Variants in POTEI observed in about 807,000 individuals in gnomAD.
POTEI encodes POTE ankyrin domain family member I.
POTEI carries 14 observed loss-of-function variants against 43.4 expected under a neutral mutation model. The ratio of observed to expected loss-of-function variants is 0.32; its 90% confidence interval spans 0.21 to 0.50. The LOEUF (loss-of-function observed/expected upper bound fraction) is 0.50. Among genes scored for constraint, POTEI ranks in the 20% least tolerant of loss-of-function variants. The pLI, the probability that POTEI is intolerant of heterozygous loss-of-function variation, is 0.98. For synonymous variants in POTEI, 95 were observed against 297.9 expected (o/e 0.32, Z 7.01); for missense variants, 235 against 795.4 (o/e 0.30, Z 8.47).
At chr2:130,493,023 T>A (rs1683805491) in intron 6 of POTEI, among the ~76,000 whole-genome samples, 1 of 142,966 alleles carries the variant, frequency 7.0e-6, no homozygotes, top group Non-Finnish European at 1.5e-5. Context: ...ATATATTGCT[T>A]TGTTTAAAGG....
chr2:130,496,091 G>A (rs1683895504), intron 6 of POTEI, among the ~76,000 whole-genome samples: 1 of 38,204 alleles, frequency 2.6e-5, no homozygotes, highest in African/African-American at 7.6e-5. Context: ...GGCAAGCCAG[G>A]GAAGCTTCAT....
At chr2:130,470,574 C>T (rs1444613734) in intron 13 of POTEI, among the ~76,000 whole-genome samples, 3 of 7,780 alleles carry the variant, frequency 3.9e-4, no homozygotes, top group Admixed American at 2.2e-3. Context: ...CCCTCAATTA[C>T]GTTAGAGAGC....
intron 4 of POTEI, among the ~76,000 whole-genome samples, chr2:130,500,155 T>C (rs1450649500): frequency 2.7e-5 from 1 of 36,842 alleles, no homozygotes; most frequent in African/African-American, 8.9e-5. Context: ...TAATACAGTA[T>C]ATTTAGTGGA....
At position 130,508,974 on chromosome 2, in the gene POTEI, C is replaced by T. The variant is rs773409226; in HGVS notation, c.262G>A (p.Asp88Asn). ...SNVGTSGDHD[D>N]SAMKTLRSKM... is the part of the protein sequence containing the mutation. The stretch of plus-strand genomic sequence containing the variant: ...CTCCTGAGCGTCTTCATAGCGGAGT[C>T]GTCGTGGTCTCCAGAAGTGCCCACG... Residue 88 changes from aspartate (D) to asparagine (N), a missense_variant, in exon 1 of 15, where the codon GAC becomes AAC. Asp to Asn is a conservative substitution (Grantham distance 23). Coordinates refer to ENST00000451531, the MANE Select transcript of POTEI (RefSeq NM_001277406.2). 9 of 1,596,960 alleles carry T rather than the reference C, an allele frequency of 5.6e-6. No individual in the cohort carries two copies. The highest frequency in any genetic ancestry group is 5.5e-5 in the African/African-American group (4 of 72,430).
intron 14 of POTEI, among the ~76,000 whole-genome samples, chr2:130,464,481 A>C (rs1343905891): frequency 8.0e-6 from 1 of 125,648 alleles, no homozygotes; most frequent in Non-Finnish European, 1.7e-5. Context: ...GTTACAAAAA[A>C]CCCAGAGGCA....
rs919731536 is a variant in POTEI at position 130,461,194 on chromosome 2, G to A, written c.*1622C>T. On this transcript the variant is annotated 3_prime_UTR_variant, in exon 15 of 15. Transcript: ENST00000451531. ...GACTTGCTTCAAAAAGAAAAGTCTG[G>A]CCACGTTTTTATAGAGCAGCTGTGC... 6.6e-6 allele frequency: 1 copy of A among 151,566 alleles called. No individual in the cohort carries two copies. Among genetic ancestry groups the A allele is most frequent in the Non-Finnish European group, 1.5e-5 (1 of 68,022 alleles). 9.4% of individuals were successfully genotyped at this position (151,566 alleles called of 1,614,324 possible).
intron 10 of POTEI, among the ~76,000 whole-genome samples, chr2:130,477,112 G>A (rs559806944): frequency 1.1e-4 from 17 of 148,798 alleles, no homozygotes; most frequent in Admixed American, 1.3e-4. Flanking sequence ...TATCTAAAAT[G>A]TTTCCCTCCA....
In POTEI at chr2:130,508,767, G is replaced by T. The variant is rs1459775752; in HGVS notation, c.469C>A (p.Leu157Met). 1.4e-6 allele frequency: 2 copies of T among 1,400,634 alleles called. No individual in the cohort carries two copies. Among genetic ancestry groups the T allele is most frequent in the South Asian group, 1.3e-5 (1 of 79,956 alleles). The allele number at this position is 1,400,634 out of a possible 1,614,324, so 86.8% of individuals were successfully genotyped here. A position where few individuals can be genotyped will look rare whatever the true frequency, so the allele number is the denominator to read the frequency against. ...TCAGTGTCCCTGAGCATGACGATCA[G>T]ATCCTTTCTGGCGACTTTACCCCAC... ...AWWGKVARKD[L>M]IVMLRDTDVN... is the part of the protein sequence containing the mutation. Residue 157 changes from leucine to methionine, a missense_variant, in exon 1 of 15, where the codon CTG becomes ATG. Physicochemically the swap from Leu to Met is conservative, Grantham distance 15. Coordinates refer to ENST00000451531, the MANE Select transcript of POTEI (RefSeq NM_001277406.2).
intron 13 of POTEI, among the ~76,000 whole-genome samples, chr2:130,474,164 C>T (rs1683106596): frequency 6.6e-6 from 1 of 151,224 alleles, no homozygotes; most frequent in East Asian, 1.9e-4. Context: ...TGCCTTTTCC[C>T]TCACATTTGC....
chr2:130,478,563 C>A (rs2261519), intron 10 of POTEI, among the ~76,000 whole-genome samples: 1 of 108,284 alleles, frequency 9.2e-6, no homozygotes, highest in South Asian at 3.9e-4. Context: ...GGGAAAAACA[C>A]AAAGCACATT....
chr2:130,484,275 C>T lies in POTEI; in HGVS notation c.1410-2202G>A, dbSNP rs928890395. 2.6e-4 allele frequency among the ~76,000 whole-genome samples: 38 copies of T among 148,980 alleles called. 1 individual carries two copies. Among genetic ancestry groups the T allele is most frequent in the African/African-American group, 8.8e-4 (35 of 39,928 alleles). On this transcript the variant is annotated intron_variant, in intron 9 of 14. Coordinates refer to ENST00000451531, the MANE Select transcript of POTEI (RefSeq NM_001277406.2). ...AGAAACGATGACATAAGGTTAACAG[C>T]GCTGATGTCAAGATACAAATAGGTT...
Position 130,463,816 on chromosome 2 carries a change from A to G in POTEI, c.2228T>C (p.Met743Thr). 6.5e-7 allele frequency: 1 copy of G among 1,535,894 alleles called. No homozygotes were observed. Among genetic ancestry groups the G allele is most frequent in the Non-Finnish European group, 8.7e-7 (1 of 1,147,514 alleles). ...CTCTTTCTGATGCATGCCCCCCATC[A>G]TGCCCTGCTGCCTGGGGCGCCCCAC... The part of the protein sequence containing the change: ...SIVGRPRQQG[M>T]MGGMHQKESY... Residue 743 changes from methionine to threonine, a missense_variant, in exon 15 of 15, where the codon ATG (methionine) becomes ACG (threonine). Transcript: ENST00000451531.
At position 130,508,936 on chromosome 2, in the gene POTEI, C is replaced by T; in HGVS notation, c.300G>A (p.Lys100=). 1.3e-6 allele frequency: 2 copies of T among 1,588,472 alleles called. No individual in the cohort carries two copies. Among genetic ancestry groups the T allele is most frequent in the African/African-American group, 1.4e-5 (1 of 71,028 alleles). ...AGCAGGGGAAGCAGTGGCAGCACCA[C>T]TTGCCCATCTTGCTCCTGAGCGTCT... ...AMKTLRSKMG[K]WCCHCFPCCR... is the part of the protein sequence containing the mutation. Residue 100 remains lysine, a synonymous_variant, in exon 1 of 15, where the codon AAG becomes AAA. Coordinates refer to ENST00000451531, the MANE Select transcript of POTEI (RefSeq NM_001277406.2).
intron 4 of POTEI, among the ~76,000 whole-genome samples, chr2:130,500,051 T>G (rs569327325): frequency 2.7e-5 from 4 of 150,564 alleles, no homozygotes; most frequent in African/African-American, 9.7e-5. Context: ...TTAATTGTCA[T>G]GTAGCGATAA....
At chr2:130,468,707 G>GA (rs1420972082) in intron 13 of POTEI, among the ~76,000 whole-genome samples, 6 of 151,212 alleles carry the variant, frequency 4.0e-5, no homozygotes, top group African/African-American at 1.5e-4. Flanking sequence ...AACTATTGGG[G>GA]GGGGGGGTAT....
At chr2:130,464,680 A>G (rs545327019) in intron 14 of POTEI, among the ~76,000 whole-genome samples, 649 of 151,452 alleles carry the variant, frequency 4.3e-3, no homozygotes, top group African/African-American at 0.014. Context: ...TAATATTTCT[A>G]TACTCAGTTA....
At chr2:130,467,832 G>A (rs4850166) in intron 13 of POTEI, among the ~76,000 whole-genome samples, 2 of 142,428 alleles carry the variant, frequency 1.4e-5, no homozygotes, top group African/African-American at 5.2e-5. Context: ...CAAAAGAAGA[G>A]GTACAAACGG....
chr2:130,483,553 C>G (rs1421353657), intron 9 of POTEI, among the ~76,000 whole-genome samples: 2 of 116,128 alleles, frequency 1.7e-5, no homozygotes, highest in Non-Finnish European at 3.4e-5. Flanking sequence ...TTTAAAAATG[C>G]AGACAATTAC....
At chr2:130,469,157 T>A (rs1276670196) in intron 13 of POTEI, among the ~76,000 whole-genome samples, 2 of 133,754 alleles carry the variant, frequency 1.5e-5, no homozygotes. Context: ...AAAATCTTCG[T>A]GAGAGCTATT....
Sources: allele counts gnomAD v4.1 joint callset (sites outside exome capture counted in the v4.1 genomes callset), GRCh38; gene constraint gnomAD v4.1.1; transcripts MANE v1.5; gene names NCBI Gene and HGNC (gene_info 2026-07-23, HGNC 2026-07-21).